The following AHRR variants were observed in gnomAD, a reference collection of about 807,000 sequenced individuals.
AHRR encodes ahR repressor.
AHRR carries 28 observed loss-of-function variants against 44.0 expected under a neutral mutation model. The observed-to-expected ratio is 0.64, with a 90% confidence interval of 0.47 to 0.87. The LOEUF (loss-of-function observed/expected upper bound fraction) is 0.87. AHRR is among the 40% of genes least tolerant of loss of function. The probability of loss-of-function intolerance (pLI) is 0.00; values close to 1 mark genes in which losing one functional copy is unlikely to be tolerated. For missense variants in AHRR, 990 were observed against 953.9 expected, an observed-to-expected ratio of 1.04 and a Z score of -0.50; for synonymous variants, 434 against 407.0, an observed-to-expected ratio of 1.07 and a Z score of -0.80.
At position 353,795 on chromosome 5, in the gene AHRR, A is replaced by G. The variant is rs1241361324; in HGVS notation, c.128A>G (p.Glu43Gly). 7 of 1,613,622 alleles carry G rather than the reference A, an allele frequency of 4.3e-6. No homozygotes were observed. Among genetic ancestry groups the G allele is most frequent in the Non-Finnish European group, 5.9e-6 (7 of 1,179,924 alleles). The change falls in exon 3 of 11, where the codon GAG becomes GGG. Residue 43 changes from glutamate to glycine, a missense_variant. Physicochemically the swap from Glu to Gly is moderately conservative, Grantham distance 98. Coordinates refer to ENST00000684583, the MANE Select transcript of AHRR (RefSeq NM_001377236.1). The part of the protein sequence containing the change: ...SKRHRDRLNA[E>G]LDHLASLLPF... The stretch of plus-strand genomic sequence containing the variant: ...CGACACCGGGACCGCCTCAACGCCG[A>G]GTTGGACCACCTGGCCAGCCTGCTG...
intron 4 of AHRR, among the ~76,000 whole-genome samples, chr5:392,500 A>G (rs1341610603): frequency 6.6e-6 from 1 of 152,062 alleles, no homozygotes; most frequent in African/African-American, 2.4e-5. Context: ...GTGGGTGCAG[A>G]TGTGGCAGGT....
intron 8 of AHRR, chr5:432,214 G>A (rs926665924): frequency 8.6e-6 from 4 of 465,410 alleles, no homozygotes; most frequent in Non-Finnish European, 1.5e-5. Context: ...TCTACTTTCT[G>A]AAGCAAATTC....
In AHRR at chr5:395,959, G is replaced by A. The variant is rs900515559; in HGVS notation, c.352-17385G>A. On this transcript the variant is annotated intron_variant, in intron 4 of 10. Coordinates refer to ENST00000684583, the MANE Select transcript of AHRR (RefSeq NM_001377236.1). This position sits in a 1 kb window ranked among gnomAD's most constrained non-coding sequence, Gnocchi z 5.3. ...TACGAGGATTAGGAGGCCATGGGTC[G>A]TCCAGAAACTCAGGCCAGAAGCGAA... Among the ~76,000 whole-genome samples the A allele has an allele frequency of 1.2e-4, 18 of 152,290 alleles. No individual in the cohort carries two copies. The highest frequency in any genetic ancestry group is 2.4e-4 in the African/African-American group (10 of 41,564).
At chr5:402,149 G>A (rs1735039058) in intron 4 of AHRR, among the ~76,000 whole-genome samples, 1 of 152,186 alleles carries the variant, frequency 6.6e-6, no homozygotes, top group African/African-American at 2.4e-5. Context: ...CCTGATAGAC[G>A]CTTCTCCAAA....
chr5:435,608 G>T lies in AHRR; in HGVS notation c.*774G>T. 1 of 152,334 alleles carries T rather than the reference G, an allele frequency of 6.6e-6. No individual in the cohort carries two copies. The highest frequency in any genetic ancestry group is 1.5e-5 in the Non-Finnish European group (1 of 68,064). 9.4% of individuals were successfully genotyped at this position (152,334 alleles called of 1,614,324 possible). ...TCTCCCGAGTTCTCAGTGGGTCTCT[G>T]CGGACGGTTCTTCCTAATCTGCCTC... On this transcript the variant is annotated 3_prime_UTR_variant, in exon 11 of 11. Coordinates refer to ENST00000684583, the MANE Select transcript of AHRR (RefSeq NM_001377236.1).
chr5:343,786 T>G, intron 1 of AHRR, 107 bp from the exon 2 acceptor site: 1 of 1,145,782 alleles, frequency 8.7e-7, no homozygotes, highest in Non-Finnish European at 1.2e-6. Flanking sequence ...CCTCGCGGGG[T>G]CGCGGGTGTG....
At chr5:425,449 C>CT (rs1244917483) in intron 7 of AHRR, among the ~76,000 whole-genome samples, 1 of 152,242 alleles carries the variant, frequency 6.6e-6, no homozygotes, top group Non-Finnish European at 1.5e-5. Flanking sequence ...TCCTGAGTAG[C>CT]TGGGACTACA....
At chr5:376,562 C>T (rs1469898033) in intron 3 of AHRR, 48 bp from the exon 4 acceptor site, 2 of 195,672 alleles carry the variant, frequency 1.0e-5, no homozygotes, top group Admixed American at 1.3e-4. Flanking sequence ...AGAAGAGTGG[C>T]CAGGCCAAGG....
At chr5:407,229 T>A (rs1043763673) in intron 4 of AHRR, among the ~76,000 whole-genome samples, 21 of 152,242 alleles carry the variant, frequency 1.4e-4, no homozygotes, top group African/African-American at 5.1e-4. Context: ...TGTTTATTAG[T>A]ATTACAGCGT....
At position 436,704 on chromosome 5, in the gene AHRR, G is replaced by C. The variant is rs1329599897; in HGVS notation, c.*1870G>C. 6.6e-6 allele frequency: 1 copy of C among 152,500 alleles called. No individual in the cohort carries two copies. The highest frequency in any genetic ancestry group is 2.4e-5 in the African/African-American group (1 of 41,444). The allele number at this position is 152,500 out of a possible 1,614,324, so 9.4% of individuals were successfully genotyped here. ...CTGTGCTGTCGTGGGTGTGAGACGTGCTCATGGCCTTCCACTGCCATCTCT... is the reference window on the plus strand; with the variant it reads ...CTGTGCTGTCGTGGGTGTGAGACGTCCTCATGGCCTTCCACTGCCATCTCT... On this transcript the variant is annotated 3_prime_UTR_variant, in exon 11 of 11. Coordinates refer to ENST00000684583, the MANE Select transcript of AHRR (RefSeq NM_001377236.1).
intron 5 of AHRR, among the ~76,000 whole-genome samples, chr5:420,454 C>A (rs1220323597): frequency 6.6e-6 from 1 of 152,210 alleles, no homozygotes; most frequent in African/African-American, 2.4e-5. Context: ...GCTGGGGGGC[C>A]TTTGCAGTTG....
intron 1 of AHRR, among the ~76,000 whole-genome samples, chr5:334,093 C>A (rs1220650368): frequency 6.6e-6 from 1 of 152,182 alleles, no homozygotes; most frequent in Non-Finnish European, 1.5e-5. Context: ...CACTCTTAGT[C>A]TGATGAAGTT....
intron 3 of AHRR, chr5:367,800 A>G: frequency 2.9e-6 from 2 of 701,546 alleles, no homozygotes; most frequent in Non-Finnish European, 5.2e-6. Context: ...TCTCTGTTGT[A>G]TGCCCAGGAC....
intron 1 of AHRR, among the ~76,000 whole-genome samples, chr5:323,121 C>T (rs1174554039): frequency 6.6e-6 from 1 of 152,204 alleles, no homozygotes; most frequent in Non-Finnish European, 1.5e-5. Flanking sequence ...CCCGGCTGAG[C>T]CCCTGGCTGC....
At chr5:415,925 A>AC (rs1735787631) in intron 5 of AHRR, among the ~76,000 whole-genome samples, 1 of 149,196 alleles carries the variant, frequency 6.7e-6, no homozygotes, top group East Asian at 2.0e-4. Context: ...CTGCAAAAAA[A>AC]CTCCTCTAGT....
chr5:421,929 A>G (rs545600047), intron 5 of AHRR, among the ~76,000 whole-genome samples: 1 of 152,330 alleles, frequency 6.6e-6, no homozygotes, highest in East Asian at 1.9e-4. Flanking sequence ...ACGATAATAA[A>G]TGCCATTTAG....
intron 2 of AHRR, among the ~76,000 whole-genome samples, chr5:346,859 A>G (rs1742695889): frequency 6.6e-6 from 1 of 152,190 alleles, no homozygotes; most frequent in Non-Finnish European, 1.5e-5. Flanking sequence ...GTGAGTAGTA[A>G]GCCCTTTGTC....
Position 411,861 on chromosome 5 carries a change from C to A in AHRR, c.352-1483C>A, listed in dbSNP as rs1735477897. Among the ~76,000 whole-genome samples the A allele has an allele frequency of 6.6e-6, 1 of 152,156 alleles. No individual in the cohort carries two copies. Among genetic ancestry groups the A allele is most frequent in the African/African-American group, 2.4e-5 (1 of 41,418 alleles). ...AAAGCTGTGTCCAGGTGACTCAGCC[C>A]CCTCACCCCCAGCTTCTACCTCGTG... On this transcript the variant is annotated intron_variant, in intron 4 of 10. Coordinates refer to ENST00000684583, the MANE Select transcript of AHRR (RefSeq NM_001377236.1). This position sits in a 1 kb window ranked among gnomAD's most constrained non-coding sequence, Gnocchi z 4.2.
intron 1 of AHRR, among the ~76,000 whole-genome samples, chr5:329,654 A>G (rs1741844969): frequency 6.6e-6 from 1 of 152,210 alleles, no homozygotes; most frequent in African/African-American, 2.4e-5. Context: ...TGTTTGTGTC[A>G]TCTACAATTT....
Sources: allele counts gnomAD v4.1 joint callset (sites outside exome capture counted in the v4.1 genomes callset), GRCh38; gene constraint gnomAD v4.1.1; non-coding constraint Gnocchi (gnomAD v3.1); transcripts MANE v1.5; gene names NCBI Gene and HGNC (gene_info 2026-07-23, HGNC 2026-07-21).